Variants in SH3RF1 observed in about 807,000 individuals in gnomAD.
The protein encoded by SH3RF1 is E3 ubiquitin-protein ligase SH3RF1.
A neutral mutation model predicts 74.0 loss-of-function variants in SH3RF1; 32 were observed. The observed-to-expected ratio is 0.43, with a 90% CI of 0.33 to 0.58. The LOEUF (loss-of-function observed/expected upper bound fraction) is 0.58, where lower values mean the gene tolerates loss of function less well. Ranked by LOEUF, SH3RF1 falls within the 20% of genes least tolerant of loss-of-function variation. The probability of loss-of-function intolerance (pLI) is 0.05; values close to 1 mark genes in which losing one functional copy is unlikely to be tolerated. For synonymous variants in SH3RF1, 396 were observed against 439.6 expected, an observed-to-expected ratio of 0.90 and a Z score of 1.24; for missense variants, 954 against 1,130.9, an observed-to-expected ratio of 0.84 and a Z score of 2.24.
intron 10 of SH3RF1, among the ~76,000 whole-genome samples, chr4:169,112,714 T>C (rs760549480): frequency 2.2e-4 from 34 of 152,166 alleles, no homozygotes; most frequent in Non-Finnish European, 4.0e-4. Context: ...ACGTGGCCCA[T>C]AGCAATTCAA....
chr4:169,235,421 C>T (rs990009937), intron 2 of SH3RF1, among the ~76,000 whole-genome samples: 24 of 152,164 alleles, frequency 1.6e-4, no homozygotes, highest in African/African-American at 5.8e-4. Context: ...TTTTAAGTCC[C>T]TTCCATGATA....
At chr4:169,152,894 T>C (rs552750194) in intron 4 of SH3RF1, among the ~76,000 whole-genome samples, 1 of 152,270 alleles carries the variant, frequency 6.6e-6, no homozygotes, top group Admixed American at 6.5e-5. Context: ...ACTATTCCGG[T>C]AGCATTTCTC....
intron 2 of SH3RF1, among the ~76,000 whole-genome samples, chr4:169,251,659 T>C (rs1731107254): frequency 6.6e-6 from 1 of 152,154 alleles, no homozygotes; most frequent in African/African-American, 2.4e-5. Context: ...CTGGGAGCGG[T>C]CCCCATCTCC....
intron 2 of SH3RF1, among the ~76,000 whole-genome samples, chr4:169,174,146 C>T (rs1324989113): frequency 6.6e-6 from 1 of 152,016 alleles, no homozygotes; most frequent in Non-Finnish European, 1.5e-5. Context: ...TCACTGCAGC[C>T]CCGACCTCCG....
intron 6 of SH3RF1, among the ~76,000 whole-genome samples, chr4:169,127,628 G>A (rs1162658399): frequency 6.6e-6 from 1 of 152,160 alleles, no homozygotes; most frequent in African/African-American, 2.4e-5. Context: ...TAGACATACT[G>A]TTTAATCAAC....
At chr4:169,217,013 A>C (rs566955299) in intron 2 of SH3RF1, among the ~76,000 whole-genome samples, 2 of 137,166 alleles carry the variant, frequency 1.5e-5, no homozygotes, top group African/African-American at 5.3e-5. Context: ...AAAAAAAAAA[A>C]CCAGCCAGGT....
At position 169,122,198 on chromosome 4, in the gene SH3RF1, G is replaced by T. The variant is rs758369832; in HGVS notation, c.1248C>A (p.Gly416=). The T allele has an allele frequency of 6.2e-7, 1 of 1,613,384 alleles. No homozygotes were observed. The highest frequency in any genetic ancestry group is 8.5e-7 in the Non-Finnish European group (1 of 1,179,904). Residue 416 remains glycine, a synonymous_variant, in exon 7 of 12, where the codon GGC becomes GGA. Transcript: ENST00000284637. ...AATVLASTPP[G]ATAAAAAAGM... is the part of the protein sequence containing the mutation. Reference sequence around the variant, plus strand: ...CAGCAGCAGCAGCAGCGGCGGTGGCGCCTGGTGGTGTGGAGGCAAGGACAG... The same window carrying T: ...CAGCAGCAGCAGCAGCGGCGGTGGCTCCTGGTGGTGTGGAGGCAAGGACAG...
At chr4:169,105,480 G>A (rs13127632) in intron 11 of SH3RF1, among the ~76,000 whole-genome samples, 14,532 of 152,236 alleles carry the variant, frequency 0.095, 917 homozygotes, top group South Asian at 0.17. Flanking sequence ...ATTATTCAAG[G>A]CTGGAATCAC....
intron 10 of SH3RF1, among the ~76,000 whole-genome samples, chr4:169,114,164 G>T (rs1579088357): frequency 6.6e-6 from 1 of 152,076 alleles, no homozygotes; most frequent in African/African-American, 2.4e-5. Flanking sequence ...GTAAAAATCG[G>T]GTCCTAAAAT....
rs117220488 is a variant in SH3RF1, at chr4:169,210,197, T to C, written c.394-53518A>G. Among the ~76,000 whole-genome samples the C allele has an allele frequency of 6.9e-4, 105 of 152,326 alleles. 1 individual carries two copies. In the East Asian group the frequency reaches 0.016, roughly 23 times the overall value. ...CTCCTCCTCAACTCCATCTGGAGTC[T>C]TTCTGCTATTTTACCCTTCTCTCCT... On this transcript the variant is annotated intron_variant, in intron 2 of 11. Coordinates refer to ENST00000284637, the MANE Select transcript of SH3RF1 (RefSeq NM_020870.4).
Position 169,156,650 on chromosome 4 carries a change from T to C in SH3RF1, c.423A>G (p.Ala141=), listed in dbSNP as rs775468908. 35 of 1,613,040 alleles carry C rather than the reference T, an allele frequency of 2.2e-5. No homozygotes were observed. The East Asian group carries it at 4.7e-4, about 22-fold the overall frequency. The change falls in exon 3 of 12, where the codon GCA becomes GCG. Residue 141 remains alanine, a synonymous_variant. Coordinates refer to ENST00000284637, the MANE Select transcript of SH3RF1 (RefSeq NM_020870.4). The part of the protein sequence containing the change: ...RGIPQLPCAK[A]LYNYEGKEPG... ...GCTCTTTTCCTTCATAGTTGTATAA[T>C]GCTTTGGCACATGGTAACTGAGGTA...
intron 6 of SH3RF1, among the ~76,000 whole-genome samples, chr4:169,129,603 G>C (rs908352798): frequency 6.6e-6 from 1 of 152,170 alleles, no homozygotes; most frequent in Non-Finnish European, 1.5e-5. Flanking sequence ...CACAAGACAA[G>C]AAATTAAATA....
At chr4:169,134,372 C>A (rs1482885743) in intron 5 of SH3RF1, among the ~76,000 whole-genome samples, 1 of 152,234 alleles carries the variant, frequency 6.6e-6, no homozygotes, top group Non-Finnish European at 1.5e-5. Context: ...GAATGCTGAG[C>A]TCTCTGCAAA....
chr4:169,226,210 G>T (rs1730651627), intron 2 of SH3RF1, among the ~76,000 whole-genome samples: 1 of 152,188 alleles, frequency 6.6e-6, no homozygotes, highest in Non-Finnish European at 1.5e-5. Flanking sequence ...GTAAGTGAAT[G>T]AAGAACCCCC....
At chr4:169,246,504 G>A (rs968695248) in intron 2 of SH3RF1, among the ~76,000 whole-genome samples, 6 of 152,172 alleles carry the variant, frequency 3.9e-5, no homozygotes, top group Admixed American at 6.5e-5. Context: ...AATTCACTAC[G>A]TGCCTAAAGG....
At chr4:169,242,557 T>G (rs1730929869) in intron 2 of SH3RF1, among the ~76,000 whole-genome samples, 1 of 152,148 alleles carries the variant, frequency 6.6e-6, no homozygotes, top group Admixed American at 6.5e-5. Flanking sequence ...ATTCTGTGGA[T>G]CTGAGGTGGG....
rs934400816 is a variant in SH3RF1, at chr4:169,116,373, T to C, written c.2035A>G (p.Ser679Gly). 7 of 1,614,224 alleles carry C rather than the reference T, an allele frequency of 4.3e-6. No individual in the cohort carries two copies. Among genetic ancestry groups the C allele is most frequent in the African/African-American group, 2.7e-5 (2 of 75,060 alleles). Residue 679 changes from serine (S) to glycine (G), a missense_variant, in exon 10 of 12, where the codon AGT becomes GGT. Transcript: ENST00000284637. Reference sequence around the variant, plus strand: ...GGGAGAACGGTCACTATCCGGCCACTGGGCTCAGCCTCCAGAGAAGCACTG... The same window carrying C: ...GGGAGAACGGTCACTATCCGGCCACCGGGCTCAGCCTCCAGAGAAGCACTG... ...ITSASLEAEP[S>G]GRIVTVLPGL...
chr4:169,123,356 A>C (rs1441823473), intron 6 of SH3RF1, among the ~76,000 whole-genome samples: 2 of 152,192 alleles, frequency 1.3e-5, no homozygotes, highest in African/African-American at 4.8e-5. Flanking sequence ...AAAATTTCAA[A>C]TTTCTAGACG....
intron 2 of SH3RF1, among the ~76,000 whole-genome samples, chr4:169,215,185 T>A (rs987144438): frequency 1.3e-5 from 2 of 152,198 alleles, no homozygotes; most frequent in African/African-American, 4.8e-5. Flanking sequence ...TTGAATTTGG[T>A]CAAATTCTGC....
Sources: allele counts gnomAD v4.1 joint callset (sites outside exome capture counted in the v4.1 genomes callset), GRCh38; gene constraint gnomAD v4.1.1; transcripts MANE v1.5; gene names NCBI Gene and HGNC (gene_info 2026-07-23, HGNC 2026-07-21).